The following RGL1 variants were observed in gnomAD, a reference collection of about 807,000 sequenced individuals.
RGL1 encodes the protein ral guanine nucleotide dissociation stimulator-like 1.
In RGL1, 24 loss-of-function variants were observed where a neutral mutation model predicts 95.2. The observed-to-expected ratio is 0.25, with a 90% CI of 0.18 to 0.35. The LOEUF (loss-of-function observed/expected upper bound fraction) is 0.35. RGL1 is among the 10% of genes least tolerant of loss of function. RGL1 has a pLI of 1.00. For synonymous variants in RGL1, 329 were observed against 344.9 expected, an observed-to-expected ratio of 0.95 and a Z score of 0.51; for missense variants, 715 against 936.3, an observed-to-expected ratio of 0.76 and a Z score of 3.08.
At chr1:183,909,033 GT>G (rs1178365506) in intron 14 of RGL1, among the ~76,000 whole-genome samples, 3 of 152,188 alleles carry the variant, frequency 2.0e-5, no homozygotes, top group African/African-American at 7.2e-5. Flanking sequence ...GACTGTGAGG[GT>G]GCTATGCCCT....
chr1:183,719,263 A>G (rs761058353), intron 1 of RGL1, among the ~76,000 whole-genome samples: 20 of 152,274 alleles, frequency 1.3e-4, no homozygotes, highest in Middle Eastern at 6.8e-3. Flanking sequence ...TTGATAGTCC[A>G]AGTTGAGTAT....
intron 1 of RGL1, among the ~76,000 whole-genome samples, chr1:183,693,134 T>G (rs912697573): frequency 6.6e-6 from 1 of 152,054 alleles, no homozygotes; most frequent in African/African-American, 2.4e-5. Flanking sequence ...TTTTGTGTTT[T>G]TAGTAGAGAC....
chr1:183,869,136 A>G (rs141350932), intron 4 of RGL1, among the ~76,000 whole-genome samples: 82 of 152,292 alleles, frequency 5.4e-4, no homozygotes, highest in South Asian at 1.2e-3. Flanking sequence ...GTAAATAATA[A>G]TAATAAAAAA....
At chr1:183,732,527 G>T (rs919599001) in intron 1 of RGL1, among the ~76,000 whole-genome samples, 5 of 152,054 alleles carry the variant, frequency 3.3e-5, no homozygotes, top group Non-Finnish European at 5.9e-5. Flanking sequence ...CTTGGCTATC[G>T]AATACTGTAT....
intron 3 of RGL1, among the ~76,000 whole-genome samples, chr1:183,855,076 G>A (rs1572507998): frequency 6.6e-6 from 1 of 152,176 alleles, no homozygotes; most frequent in Non-Finnish European, 1.5e-5. Context: ...GGTGCCTGCA[G>A]TAGGTGCTTA....
chr1:183,836,518 C>T (rs549558036), intron 2 of RGL1, among the ~76,000 whole-genome samples: 238 of 152,232 alleles, frequency 1.6e-3, no homozygotes, highest in Admixed American at 2.8e-3. Flanking sequence ...ATCCACCCAC[C>T]TAGGCCTTCC....
At chr1:183,758,569 C>G (rs1258408768) in intron 2 of RGL1, among the ~76,000 whole-genome samples, 1 of 152,086 alleles carries the variant, frequency 6.6e-6, no homozygotes, top group Non-Finnish European at 1.5e-5. Context: ...TGTTTGGGTT[C>G]TGGTGAGGTT....
At chr1:183,643,282 A>G (rs1339337061) in intron 1 of RGL1, among the ~76,000 whole-genome samples, 28 of 149,068 alleles carry the variant, frequency 1.9e-4, no homozygotes, top group South Asian at 1.3e-3. Flanking sequence ...TTATTTATTT[A>G]TTTATTTATT....
chr1:183,813,431 G>T (rs571897185), intron 2 of RGL1, among the ~76,000 whole-genome samples: 4 of 152,314 alleles, frequency 2.6e-5, no homozygotes, highest in Admixed American at 2.6e-4. Flanking sequence ...CACAGTTTAG[G>T]CTCACCATGA....
At chr1:183,674,419 T>G (rs750956024) in intron 1 of RGL1, among the ~76,000 whole-genome samples, 2 of 152,214 alleles carry the variant, frequency 1.3e-5, no homozygotes, top group Non-Finnish European at 2.9e-5. Flanking sequence ...TATAGCCATC[T>G]TCCTGTGTAT....
intron 1 of RGL1, among the ~76,000 whole-genome samples, chr1:183,663,961 G>A (rs1651847531): frequency 6.7e-6 from 1 of 150,242 alleles, no homozygotes; most frequent in Non-Finnish European, 1.5e-5. Context: ...ACCATTGCAA[G>A]AACAAAAAAC....
chr1:183,836,631 C>G (rs1380151894), intron 2 of RGL1, among the ~76,000 whole-genome samples: 2 of 152,058 alleles, frequency 1.3e-5, no homozygotes, highest in Non-Finnish European at 2.9e-5. Flanking sequence ...AGAACTTTGC[C>G]CTAGGTTTGA....
chr1:183,793,181 A>G (rs1170150834), intron 2 of RGL1, among the ~76,000 whole-genome samples: 3 of 152,168 alleles, frequency 2.0e-5, no homozygotes, highest in Admixed American at 6.5e-5. Context: ...AAGAACATAC[A>G]ATGGGGAAAG....
chr1:183,816,963 A>G (rs988384971), intron 2 of RGL1, among the ~76,000 whole-genome samples: 14 of 152,008 alleles, frequency 9.2e-5, no homozygotes, highest in African/African-American at 2.2e-4. Context: ...AAAACCCCAT[A>G]CTCACAGGAT....
intron 1 of RGL1, among the ~76,000 whole-genome samples, chr1:183,733,981 T>G (rs866219712): frequency 2.6e-5 from 4 of 152,230 alleles, no homozygotes; most frequent in Non-Finnish European, 4.4e-5. Flanking sequence ...TTTTTCCCCA[T>G]TGGGACCTTC....
chr1:183,703,248 G>C (rs1216645226), intron 1 of RGL1, among the ~76,000 whole-genome samples: 2 of 152,196 alleles, frequency 1.3e-5, no homozygotes, highest in Non-Finnish European at 2.9e-5. Flanking sequence ...TGACATAGGG[G>C]GTGGTGTGGC....
At chr1:183,898,640 G>A (rs1240717930) in intron 10 of RGL1, among the ~76,000 whole-genome samples, 2 of 152,150 alleles carry the variant, frequency 1.3e-5, no homozygotes, top group African/African-American at 2.4e-5. Flanking sequence ...GGACTCTTCC[G>A]CAACATGAAG....
At chr1:183,752,176 A>G (rs779041934) in intron 2 of RGL1, among the ~76,000 whole-genome samples, 88 of 152,146 alleles carry the variant, frequency 5.8e-4, no homozygotes, top group Admixed American at 1.1e-3. Flanking sequence ...TCCACAGTGC[A>G]TAAGAGTTTC....
chr1:183,809,494 A>T (rs1490320978), intron 2 of RGL1, among the ~76,000 whole-genome samples: 1 of 152,222 alleles, frequency 6.6e-6, no homozygotes, highest in Non-Finnish European at 1.5e-5. Flanking sequence ...TATATTGGCA[A>T]CTTTGAAAAA....
Sources: gnomAD v4.1 joint callset for allele counts (sites outside exome capture counted in the v4.1 genomes callset) on GRCh38, gnomAD v4.1.1 for gene constraint, MANE v1.5 for transcripts, NCBI Gene and HGNC (gene_info 2026-07-23, HGNC 2026-07-21) for gene names.